BRCA1: variants seen among roughly 807,000 people sequenced by gnomAD.
The protein encoded by BRCA1 is breast cancer type 1 susceptibility protein.
A neutral mutation model predicts 173.7 loss-of-function variants in BRCA1; 140 were observed. The ratio of observed to expected loss-of-function variants is 0.81; its 90% CI spans 0.70 to 0.93. The LOEUF is 0.93. Among genes scored for constraint, BRCA1 ranks in the 40% least tolerant of loss-of-function variants. The pLI, the probability that BRCA1 is intolerant of heterozygous loss-of-function variation, is 0.00. For synonymous variants in BRCA1, 662 were observed against 756.0 expected, an observed-to-expected ratio of 0.88 and a Z score of 2.04; for missense variants, 1,983 against 2,172.5, an observed-to-expected ratio of 0.91 and a Z score of 1.73.
chr17:43,121,299 C>G (rs1237963118), intron 2 of BRCA1, among the ~76,000 whole-genome samples: 5 of 149,944 alleles, frequency 3.3e-5, no homozygotes, highest in African/African-American at 5.0e-5. Flanking sequence ...GGCCTGAACC[C>G]GGGAGGCGGA....
intron 2 of BRCA1, chr17:43,119,320 T>C (rs1401242205): frequency 9.1e-6 from 2 of 220,506 alleles, no homozygotes; most frequent in Non-Finnish European, 1.8e-5. Flanking sequence ...TTGTGGACAG[T>C]AACCTTATTG....
chr17:43,135,737 C>T (rs1296389671), intron 1 of BRCA1, among the ~76,000 whole-genome samples: 5 of 152,200 alleles, frequency 3.3e-5, no homozygotes, highest in African/African-American at 9.6e-5. Context: ...TCACTCTTCT[C>T]GAATGGGGGT....
At chr17:43,134,060 G>A (rs2055995038) in intron 1 of BRCA1, among the ~76,000 whole-genome samples, 1 of 152,170 alleles carries the variant, frequency 6.6e-6, no homozygotes, top group South Asian at 2.1e-4. Context: ...TACTCACCTA[G>A]AAAGCTCACA....
rs1060502361 is a variant in BRCA1 at position 43,093,602 on chromosome 17, A to G, written c.1929T>C (p.Ser643=). The change falls in exon 10 of 23, where the codon AGT becomes AGC. Residue 643 remains serine, a synonymous_variant. Transcript: ENST00000357654. The part of the protein sequence containing the change: ...PPNCTELQID[S]CSSSEEIKKK... ...TCTTTATCTCTTCACTGCTAGAACA[A>G]CTATCAATTTGCAATTCAGTACAAT... is the stretch of plus-strand genomic sequence containing the variant. The G allele has an allele frequency of 6.2e-7, 1 of 1,614,014 alleles. No individual in the cohort carries two copies. Among genetic ancestry groups the G allele is most frequent in the Non-Finnish European group, 8.5e-7 (1 of 1,179,998 alleles).
rs372691713 is a variant in BRCA1, at chr17:43,157,121, C to T, written c.-20+13005G>A. ...ATTCTTCTGAAAGTCAAAAATGTTA[C>T]AGTCATAGGTAAAAAGTTACAAAGA... On this transcript the variant is annotated intron_variant, in intron 1 of 7. Transcript: ENST00000634433. Among the ~76,000 whole-genome samples the T allele has an allele frequency of 2.9e-4, 44 of 152,266 alleles. 3 individuals are homozygous for T. Among genetic ancestry groups the T allele is most frequent in the South Asian group, 2.5e-3 (12 of 4,820 alleles).
intron 17 of BRCA1, 108 bp downstream of exon 17, chr17:43,063,766 G>T (rs1312329275): frequency 1.2e-6 from 1 of 837,504 alleles, no homozygotes; most frequent in Non-Finnish European, 2.0e-6. Flanking sequence ...AAGACCTTTT[G>T]GTAACTCAGA....
In BRCA1 at chr17:43,091,630, T is replaced by G; in HGVS notation, c.3901A>C (p.Ser1301Arg). ...TTTGCAGTCAAGTCTTCCAATTCAC[T>G]GCACTGTGAAGAAAACAAGCTAGCA... Reference protein sequence around the residue: ...CSASLFSSQCSELEDLTANTN... With the variant: ...CSASLFSSQCRELEDLTANTN... Residue 1301 changes from serine (S) to arginine (R), a missense_variant, in exon 10 of 23, where the codon AGT (serine) becomes CGT (arginine). Transcript: ENST00000357654. 1 of 1,614,228 alleles carries G rather than the reference T, an allele frequency of 6.2e-7. No homozygotes were observed. The highest frequency in any genetic ancestry group is 8.5e-7 in the Non-Finnish European group (1 of 1,180,046).
intron 16 of BRCA1, among the ~76,000 whole-genome samples, chr17:43,064,950 C>T (rs1009552691): frequency 6.6e-6 from 1 of 151,630 alleles, no homozygotes; most frequent in Non-Finnish European, 1.5e-5. Context: ...CCTGCCTCAG[C>T]CTCCTGAGTA....
chr17:43,139,717 G>A, intron 1 of BRCA1: 1 of 375,842 alleles, frequency 2.7e-6, no homozygotes, highest in Non-Finnish European at 5.3e-6. Flanking sequence ...GTAGGGCCCA[G>A]TGTCTGTTGT....
chr17:43,136,639 C>A (rs995375794), intron 1 of BRCA1, among the ~76,000 whole-genome samples: 10 of 152,216 alleles, frequency 6.6e-5, no homozygotes, highest in Non-Finnish European at 1.5e-5. Context: ...TGAGCAGACA[C>A]TTCTCAAAAG....
intron 2 of BRCA1, among the ~76,000 whole-genome samples, chr17:43,116,447 C>A (rs981238685): frequency 6.6e-6 from 1 of 152,162 alleles, no homozygotes; most frequent in Non-Finnish European, 1.5e-5. Flanking sequence ...CTCACTGCAG[C>A]CTTGAACTCC....
chr17:43,124,340 C>T (rs1437305903), intron 1 of BRCA1, among the ~76,000 whole-genome samples: 1 of 152,146 alleles, frequency 6.6e-6, no homozygotes, highest in Non-Finnish European at 1.5e-5. Flanking sequence ...TTGCTGCCAA[C>T]CCCTTGGGTC....
intron 18 of BRCA1, among the ~76,000 whole-genome samples, chr17:43,059,898 C>CTATTAT (rs751755637): frequency 3.0e-4 from 46 of 151,738 alleles, no homozygotes; most frequent in African/African-American, 9.4e-4. Context: ...CTACACTGGC[C>CTATTAT]TATTATTATT....
chr17:43,100,688 T>TATATATA (rs1567807850), intron 6 of BRCA1, among the ~76,000 whole-genome samples: 4 of 98,826 alleles, frequency 4.0e-5, no homozygotes, highest in African/African-American at 1.8e-4. Context: ...AATATATATA[T>TATATATA]ATATATATAT....
intron 1 of BRCA1, among the ~76,000 whole-genome samples, chr17:43,150,951 G>C (rs1399964072): frequency 1.3e-5 from 2 of 152,148 alleles, no homozygotes; most frequent in African/African-American, 4.8e-5. Context: ...TCCTTTATGA[G>C]GTATGGCAAG....
At chr17:43,079,227 T>G in intron 12 of BRCA1, 1 of 833,162 alleles carries the variant, frequency 1.2e-6, no homozygotes, top group Admixed American at 1.9e-5. Context: ...GAGGGAAGGC[T>G]CAGATACAAA....
chr17:43,153,501 G>C (rs2056176483), intron 1 of BRCA1: 1 of 152,158 alleles, frequency 6.6e-6, no homozygotes, highest in African/African-American at 2.4e-5. Flanking sequence ...TCAATTAATT[G>C]AATAACCGTC....
intron 20 of BRCA1, 74 bp downstream of exon 20, chr17:43,050,989 G>A (rs1441333841): frequency 6.9e-7 from 1 of 1,442,224 alleles, no homozygotes; most frequent in Non-Finnish European, 9.8e-7. Context: ...CCCATCGTGG[G>A]ATCTTGCTTA....
chr17:43,111,778 C>T (rs952171951), intron 3 of BRCA1, among the ~76,000 whole-genome samples: 2 of 151,622 alleles, frequency 1.3e-5, no homozygotes, highest in Non-Finnish European at 2.9e-5. Context: ...GCCGAGACTG[C>T]ACCACCGCAC....
Sources: allele counts gnomAD v4.1 joint callset (sites outside exome capture counted in the v4.1 genomes callset), GRCh38; gene constraint gnomAD v4.1.1; transcripts MANE v1.5; gene names NCBI Gene and HGNC (gene_info 2026-07-23, HGNC 2026-07-21).